The following CUL9 variants were observed in gnomAD, a reference collection of about 807,000 sequenced individuals.
The protein encoded by CUL9 is cullin 9.
CUL9 carries 79 observed loss-of-function variants against 272.6 expected under a neutral mutation model. That is an observed-to-expected ratio of 0.29 (90% CI 0.24 to 0.35). The LOEUF (loss-of-function observed/expected upper bound fraction) is 0.35. Ranked by LOEUF, CUL9 falls within the 10% of genes least tolerant of loss-of-function variation. The pLI, the probability that CUL9 is intolerant of heterozygous loss-of-function variation, is 1.00. For missense variants in CUL9, 2,532 were observed against 3,255.6 expected (o/e 0.78, Z 5.41); for synonymous variants, 1,186 against 1,286.5 (o/e 0.92, Z 1.67).
intron 8 of CUL9, 99 bp from the exon 9 acceptor site, chr6:43,192,902 T>C: frequency 5.0e-6 from 5 of 1,008,104 alleles, no homozygotes; most frequent in Admixed American, 3.9e-5. Context: ...GACTAGATCT[T>C]GGTGGATGGG....
chr6:43,223,648 C>G lies in CUL9; in HGVS notation c.7284+251C>G, dbSNP rs1157748573. 5 of 563,716 alleles carry G rather than the reference C, an allele frequency of 8.9e-6. No individual in the cohort carries two copies. The highest frequency in any genetic ancestry group is 3.7e-5 in the African/African-American group (2 of 53,526). The allele number at this position is 563,716 out of a possible 1,614,324, so 34.9% of individuals were successfully genotyped here. ...CTAGCCCACATCAAGGGTATTTGGT[C>G]AGGTGCCTATCAGAATCACTTGGGG... On this transcript the variant is annotated intron_variant, in intron 39 of 40. Transcript: ENST00000252050. This position sits in a 1 kb window ranked among gnomAD's most constrained non-coding sequence, Gnocchi z 4.1.
Position 43,199,331 on chromosome 6 carries a change from C to T in CUL9, c.3116C>T (p.Pro1039Leu). Residue 1039 changes from proline (P) to leucine (L), a missense_variant, in exon 13 of 41, where the codon CCC becomes CTC. Coordinates refer to ENST00000252050, the MANE Select transcript of CUL9 (RefSeq NM_015089.4). This position sits in a 1 kb window ranked among gnomAD's most constrained non-coding sequence, Gnocchi z 4.4. ...CTCCCCTGGCACGAGGTCTTGGAGC[C>T]CTGCCTCAACTGCCTGAGTGGCCCT... ...MVLPWHEVLE[P>L]CLNCLSGPSS... 1 of 1,613,532 alleles carries T rather than the reference C, an allele frequency of 6.2e-7. No homozygotes were observed. The highest frequency in any genetic ancestry group is 8.5e-7 in the Non-Finnish European group (1 of 1,179,664).
In CUL9 at chr6:43,187,924, C is replaced by T; in HGVS notation, c.1793C>T (p.Ser598Phe). Residue 598 changes from serine to phenylalanine, a missense_variant, in exon 7 of 41, where the codon TCC becomes TTC. Physicochemically the swap from Ser to Phe is radical, Grantham distance 155. Around this residue, in one of 3 missense-constraint regions of CUL9, gnomAD observed 2,218 missense variants for 2,788.6 expected, o/e 0.80. Transcript: ENST00000252050. ...TGTACCCCAGATCCAGAAGAGGAGT[C>T]CAAGTCGGAGGCCAGCTTCTCAGAG... ...HSCTPDPEEESKSEASFSEEE... is the reference protein window; with the variant it reads ...HSCTPDPEEEFKSEASFSEEE... 1 of 1,614,026 alleles carries T rather than the reference C, an allele frequency of 6.2e-7. No homozygotes were observed. The highest frequency in any genetic ancestry group is 1.1e-5 in the South Asian group (1 of 91,070).
At chr6:43,202,002 G>A (rs935936322) in intron 16 of CUL9, among the ~76,000 whole-genome samples, 17 of 152,216 alleles carry the variant, frequency 1.1e-4, no homozygotes, top group Admixed American at 2.6e-4. Flanking sequence ...GGAGGTGGAA[G>A]GTGTATGCAG....
At position 43,220,053 on chromosome 6, in the gene CUL9, C is replaced by G. The variant is rs1776224226; in HGVS notation, c.6283-406C>G. Among the ~76,000 whole-genome samples the G allele has an allele frequency of 6.6e-6, 1 of 152,172 alleles. No homozygotes were observed. On this transcript the variant is annotated intron_variant, in intron 31 of 40. Transcript: ENST00000252050. The surrounding 1 kb of genome is among the most constrained non-coding windows in gnomAD (Gnocchi z 4.9). ...GGTCATTGGAGATAAGCCACTGGAG[C>G]TGGGAGGAGAGACCAGAGCTGTGTT...
At position 43,199,507 on chromosome 6, in the gene CUL9, G is replaced by T; in HGVS notation, c.3156+136G>T. The T allele has an allele frequency of 1.5e-6, 1 of 650,766 alleles. No individual in the cohort carries two copies. The highest frequency in any genetic ancestry group is 2.7e-6 in the Non-Finnish European group (1 of 366,850). The allele number at this position is 650,766 out of a possible 1,614,324, so 40.3% of individuals were successfully genotyped here. A position where few individuals can be genotyped will look rare whatever the true frequency, so the allele number is the denominator to read the frequency against. On this transcript the variant is annotated intron_variant, in intron 13 of 40. Coordinates refer to ENST00000252050, the MANE Select transcript of CUL9 (RefSeq NM_015089.4). The surrounding 1 kb of genome is among the most constrained non-coding windows in gnomAD (Gnocchi z 4.4). ...CTGGGATGGGTGTAGGAGGAGGAAG[G>T]GTAATGTAATCTAAGAATCTCCAGA...
rs1470035227 is a variant in CUL9 at position 43,221,583 on chromosome 6, G to GCAGAGGCCACAGCAT, written c.6753-99_6753-85dup. 3 of 1,113,582 alleles carry GCAGAGGCCACAGCAT rather than the reference G, an allele frequency of 2.7e-6. No individual in the cohort carries two copies. Among genetic ancestry groups the GCAGAGGCCACAGCAT allele is most frequent in the Non-Finnish European group, 3.9e-6 (3 of 764,756 alleles). 69.0% of individuals were successfully genotyped at this position (1,113,582 alleles called of 1,614,324 possible). A position where few individuals can be genotyped will look rare whatever the true frequency, so the allele number is the denominator to read the frequency against. ...GACTAAGGAGACTATCAGGGCAGGAGCAGAGGCCACAGCATCAACAGCGGT... is the reference window on the plus strand; with the variant it reads ...GACTAAGGAGACTATCAGGGCAGGAGCAGAGGCCACAGCATCAGAGGCCACAGCATCAACAGCGGT... On this transcript the variant is annotated intron_variant, in intron 34 of 40. Transcript: ENST00000252050. This position sits in a 1 kb window ranked among gnomAD's most constrained non-coding sequence, Gnocchi z 4.2.
rs759460296 is a variant in CUL9, at chr6:43,196,182, C to T, written c.2502C>T (p.Ser834=). 2 of 1,614,184 alleles carry T rather than the reference C, an allele frequency of 1.2e-6. No homozygotes were observed. The highest frequency in any genetic ancestry group is 8.5e-7 in the Non-Finnish European group (1 of 1,180,034). Residue 834 remains serine (S), a synonymous_variant, in exon 10 of 41, where the codon AGC becomes AGT. Coordinates refer to ENST00000252050, the MANE Select transcript of CUL9 (RefSeq NM_015089.4). ...DAQMTREIFA[S]IDSATRPGSE... ...AGATGACCAGAGAGATCTTCGCCAG[C>T]ATCGACTCAGCCACACGCCCGGGCT...
chr6:43,191,481 ATT>A (rs34090146), intron 8 of CUL9, among the ~76,000 whole-genome samples: 8,989 of 97,302 alleles, frequency 0.092, 544 homozygotes, highest in East Asian at 0.34. Context: ...CACCCAGCTA[ATT>A]TTTTTTTTTT....
chr6:43,192,179 A>G (rs1773587194), intron 8 of CUL9, among the ~76,000 whole-genome samples: 1 of 147,948 alleles, frequency 6.8e-6, no homozygotes, highest in South Asian at 2.1e-4. Flanking sequence ...CTCCCACCTC[A>G]GCCTCCCAAG....
Position 43,186,266 on chromosome 6 carries a change from C to T in CUL9, c.1062C>T (p.Thr354=). 6.2e-7 allele frequency: 1 copy of T among 1,614,236 alleles called. No individual in the cohort carries two copies. The highest frequency in any genetic ancestry group is 8.5e-7 in the Non-Finnish European group (1 of 1,180,038). ...GPSLLLPTIV[T]TPRRQGWVFR... is the part of the protein sequence containing the mutation. Reference sequence around the variant, plus strand: ...GCCTTTTACTCCCCACCATTGTCACCACCCCCAGAAGACAAGGGTGGGTCT... The same window carrying T: ...GCCTTTTACTCCCCACCATTGTCACTACCCCCAGAAGACAAGGGTGGGTCT... The change falls in exon 4 of 41, where the codon ACC becomes ACT. Residue 354 remains threonine (T), a synonymous_variant. Coordinates refer to ENST00000252050, the MANE Select transcript of CUL9 (RefSeq NM_015089.4).
At chr6:43,197,621 T>G (rs551840526) in intron 11 of CUL9, among the ~76,000 whole-genome samples, 1 of 151,790 alleles carries the variant, frequency 6.6e-6, no homozygotes, top group South Asian at 2.1e-4. Context: ...GTAGCTGGGA[T>G]TACAGGTGCG....
chr6:43,195,363 T>A (rs1160210286), intron 9 of CUL9, among the ~76,000 whole-genome samples: 1 of 152,214 alleles, frequency 6.6e-6, no homozygotes, highest in Non-Finnish European at 1.5e-5. Context: ...GTTTGCACAT[T>A]ACAATTATTT....
In CUL9 at chr6:43,202,830, C is replaced by A. The variant is rs1433608003; in HGVS notation, c.3753+9C>A. 3 of 1,608,168 alleles carry A rather than the reference C, an allele frequency of 1.9e-6. No individual in the cohort carries two copies. The highest frequency in any genetic ancestry group is 3.3e-5 in the Admixed American group (2 of 59,980). On this transcript the variant is annotated intron_variant, in intron 17 of 40. Coordinates refer to ENST00000252050, the MANE Select transcript of CUL9 (RefSeq NM_015089.4). ...GCACTGAGCTCAACACGGTGGGGAC[C>A]CTTGTGCCCACCTTCACCTTGCTCC...
In CUL9 at chr6:43,200,847, A is replaced by G. The variant is rs763899420; in HGVS notation, c.3647+13A>G. 5 of 1,613,750 alleles carry G rather than the reference A, an allele frequency of 3.1e-6. No individual in the cohort carries two copies. In the African/African-American group the frequency reaches 4.0e-5, roughly 13 times the overall value. On this transcript the variant is annotated intron_variant, in intron 16 of 40. Coordinates refer to ENST00000252050, the MANE Select transcript of CUL9 (RefSeq NM_015089.4). The surrounding 1 kb of genome is among the most constrained non-coding windows in gnomAD (Gnocchi z 4.0). ...GTGTTCTTGTTAGGTGTGAACACAC[A>G]TATATGAATGTTCTGCTGTGCCCCA...
Position 43,222,317 on chromosome 6 carries a change from T to C in CUL9, c.6848T>C (p.Val2283Ala). The C allele has an allele frequency of 6.2e-7, 1 of 1,613,404 alleles. No homozygotes were observed. The highest frequency in any genetic ancestry group is 8.5e-7 in the Non-Finnish European group (1 of 1,179,416). Residue 2283 changes from valine to alanine, a missense_variant and splice_region_variant, in exon 36 of 41, where the codon GTA (valine) becomes GCA (alanine). Around this residue, in one of 3 missense-constraint regions of CUL9, gnomAD observed 237 missense variants for 305.9 expected, o/e 0.77. Coordinates refer to ENST00000252050, the MANE Select transcript of CUL9 (RefSeq NM_015089.4). The stretch of plus-strand genomic sequence containing the variant: ...GCCCTCCCAACGTATCCTTGCTAGG[T>C]AAGCAAGGCAGCTCGCCAGGAGAAG... ...HKDYYNCSAM[V>A]SKAARQEKRF... is the part of the protein sequence containing the mutation.
Position 43,188,725 on chromosome 6 carries a change from C to G in CUL9, c.2180+10C>G, listed in dbSNP as rs774962870. On this transcript the variant is annotated intron_variant, in intron 8 of 40. Transcript: ENST00000252050. ...CTGACAGATCGCTGAGGTTAGCATA[C>G]TGGGGAGGGAAGAGGTTTTGGTTGA... is the stretch of plus-strand genomic sequence containing the variant. The G allele has an allele frequency of 3.8e-6, 6 of 1,589,194 alleles. No individual in the cohort carries two copies. The East Asian group carries it at 1.1e-4, about 30-fold the overall frequency.
chr6:43,201,624 C>T (rs898886722), intron 16 of CUL9, among the ~76,000 whole-genome samples: 39 of 152,278 alleles, frequency 2.6e-4, no homozygotes, highest in Admixed American at 1.1e-3. Context: ...GGACTACAGG[C>T]GCCTGCCACC....
rs144716499 is a variant in CUL9, at chr6:43,193,965, A to G, written c.2388+757A>G. On this transcript the variant is annotated intron_variant, in intron 9 of 40. Coordinates refer to ENST00000252050, the MANE Select transcript of CUL9 (RefSeq NM_015089.4). ...ATCTAAGTGGCACCCTTACATAGAA[A>G]ATACTCTGTTACTAGATTTGGGTAA... Among the ~76,000 whole-genome samples, 3 of 152,330 alleles carry G rather than the reference A, an allele frequency of 2.0e-5. No homozygotes were observed. In the East Asian group the frequency reaches 5.8e-4, roughly 29 times the overall value.
Sources: gnomAD v4.1 joint callset for allele counts (sites outside exome capture counted in the v4.1 genomes callset) on GRCh38, gnomAD v4.1.1 for gene constraint, gnomAD v4.1.1 regional missense constraint, Gnocchi (gnomAD v3.1) non-coding constraint, MANE v1.5 for transcripts, NCBI Gene and HGNC (gene_info 2026-07-23, HGNC 2026-07-21) for gene names.